The following SORBS2 variants were observed in gnomAD, a reference collection of about 807,000 sequenced individuals.
SORBS2 encodes sorbin and SH3 domain-containing protein 2.
Under a neutral mutation model 97.7 loss-of-function variants are expected in SORBS2, and 46 were observed. That is an observed-to-expected ratio of 0.47 (90% CI 0.37 to 0.60). SORBS2 has a LOEUF of 0.60. SORBS2 is among the 20% of genes least tolerant of loss of function. The pLI is 0.00. For missense variants in SORBS2, 1,316 were observed against 1,282.3 expected (o/e 1.03, Z -0.40); for synonymous variants, 476 against 473.4 (o/e 1.01, Z -0.07).
At chr4:185,590,292 C>G (rs908236755) in intron 13 of SORBS2, among the ~76,000 whole-genome samples, 1 of 152,100 alleles carries the variant, frequency 6.6e-6, no homozygotes, top group Non-Finnish European at 1.5e-5. Flanking sequence ...TGGAGATAGA[C>G]AAAATGTGTC....
At chr4:185,661,067 G>A (rs949954418), upstream of SORBS2, among the ~76,000 whole-genome samples, 5 of 152,074 alleles carry the variant, frequency 3.3e-5, no homozygotes, top group Admixed American at 2.0e-4. Context: ...CTGAGGTCAG[G>A]AGTTCGAGAC....
rs192739594 is a variant in SORBS2, at chr4:185,907,469, G to A, written c.-338+48727C>T. Among the ~76,000 whole-genome samples the A allele has an allele frequency of 5.9e-5, 9 of 152,218 alleles. No homozygotes were observed. The East Asian group carries it at 1.4e-3, about 23-fold the overall frequency. ...ACCGTCTTTATAACATAATTGTCATGTTTCCATTTTAACTTTGGCCATGAA... is the reference window on the plus strand; with the variant it reads ...ACCGTCTTTATAACATAATTGTCATATTTCCATTTTAACTTTGGCCATGAA... On this transcript the variant is annotated intron_variant, in intron 1 of 20. Transcript: ENST00000284776.
intron 1 of SORBS2, among the ~76,000 whole-genome samples, chr4:185,881,555 A>C (rs2099236885): frequency 6.6e-6 from 1 of 152,200 alleles, no homozygotes; most frequent in Non-Finnish European, 1.5e-5. Flanking sequence ...CTAACCATAA[A>C]TCTCTAGAGA....
intron 1 of SORBS2, among the ~76,000 whole-genome samples, chr4:185,893,830 T>C (rs1385057629): frequency 6.6e-6 from 1 of 152,182 alleles, no homozygotes; most frequent in Non-Finnish European, 1.5e-5. Context: ...AACTCTCCTA[T>C]AACCCTGGAG....
At chr4:185,682,873 G>C (rs2097892505) in intron 2 of SORBS2, among the ~76,000 whole-genome samples, 1 of 151,936 alleles carries the variant, frequency 6.6e-6, no homozygotes, top group African/African-American at 2.4e-5. Flanking sequence ...AATTAGCCAG[G>C]CATGGTGGCA....
chr4:185,731,948 C>T (rs940647281), intron 2 of SORBS2, among the ~76,000 whole-genome samples: 13 of 137,918 alleles, frequency 9.4e-5, no homozygotes, highest in African/African-American at 2.4e-4. Flanking sequence ...ACAATCAAAT[C>T]AGTGTGCAGA....
chr4:185,750,041 C>T (rs1449870603), intron 2 of SORBS2, among the ~76,000 whole-genome samples: 2 of 152,224 alleles, frequency 1.3e-5, no homozygotes, highest in Non-Finnish European at 1.5e-5. Context: ...TGTGCAAATA[C>T]CACCCTCTGT....
Position 185,623,625 on chromosome 4 carries a change from T to C in SORBS2, c.1504A>G (p.Ser502Gly), listed in dbSNP as rs749776978. The C allele has an allele frequency of 6.2e-7, 1 of 1,614,152 alleles. No homozygotes were observed. The change falls in exon 7 of 15, where the codon AGC becomes GGC. Residue 502 changes from serine to glycine, a missense_variant. Ser to Gly is a moderately conservative substitution (Grantham distance 56). Coordinates refer to ENST00000418609, the Ensembl canonical transcript of SORBS2. This position sits in a 1 kb window ranked among gnomAD's most constrained non-coding sequence, Gnocchi z 6.4. ...TCGGACACAACCCCGTCCTGGTCGCTGTCGGAAAACTCCACGTGTGCTCGG... is the reference window on the plus strand; with the variant it reads ...TCGGACACAACCCCGTCCTGGTCGCCGTCGGAAAACTCCACGTGTGCTCGG...
Position 185,623,274 on chromosome 4 carries a change from T to A in SORBS2, c.1855A>T (p.Lys619Ter). 3 of 1,614,150 alleles carry A rather than the reference T, an allele frequency of 1.9e-6. No homozygotes were observed. The highest frequency in any genetic ancestry group is 2.5e-6 in the Non-Finnish European group (3 of 1,180,028). ...CATTTTGCCTTTTCAGTCTGTTTCT[T>A]AGGAGCCGAATTTTTTTTCCTCCGG... The change falls in exon 7 of 15, where the codon AAG (lysine) becomes TAG (stop). Residue 619 changes from lysine to a stop codon, truncating the protein, a stop_gained. Transcript: ENST00000418609. LOFTEE classifies it high-confidence loss of function. This position sits in a 1 kb window ranked among gnomAD's most constrained non-coding sequence, Gnocchi z 6.4.
intron 1 of SORBS2, among the ~76,000 whole-genome samples, chr4:185,922,559 GT>G: frequency 6.6e-6 from 1 of 152,276 alleles, no homozygotes; most frequent in African/African-American, 2.4e-5. Flanking sequence ...CATAACCTAT[GT>G]TTTTTATTGA....
chr4:185,618,589 A>G, exon 9 of SORBS2: 1 of 1,519,160 alleles, frequency 6.6e-7, no homozygotes, highest in South Asian at 1.3e-5. Context: ...ACTTACTTAG[A>G]TGTCTGAGCC....
At chr4:185,870,114 A>G (rs962901482) in intron 1 of SORBS2, among the ~76,000 whole-genome samples, 19 of 152,208 alleles carry the variant, frequency 1.2e-4, no homozygotes, top group Non-Finnish European at 1.5e-5. Context: ...TTAACACTGC[A>G]TTTTCAAACT....
In SORBS2 at chr4:185,909,758, T is replaced by C. The variant is rs143378890; in HGVS notation, c.-338+46438A>G. 4.7e-3 allele frequency among the ~76,000 whole-genome samples: 714 copies of C among 152,062 alleles called. 8 individuals carry two copies. Among genetic ancestry groups the C allele is most frequent in the African/African-American group, 0.016 (677 of 41,472 alleles). The stretch of plus-strand genomic sequence containing the variant: ...AAACATGCAAAGAAATGTTCACTCA[T>C]AGCAATATTTGACACAGTTGATTTT... On this transcript the variant is annotated intron_variant, in intron 1 of 20. Transcript: ENST00000284776.
At chr4:185,636,373 G>C (rs1331536972) in intron 4 of SORBS2, among the ~76,000 whole-genome samples, 1 of 152,134 alleles carries the variant, frequency 6.6e-6, no homozygotes, top group Non-Finnish European at 1.5e-5. Context: ...AAGCTACCTT[G>C]AGTCTAACCA....
intron 1 of SORBS2, among the ~76,000 whole-genome samples, chr4:185,863,096 G>T (rs1248246980): frequency 6.6e-6 from 1 of 152,098 alleles, no homozygotes; most frequent in Non-Finnish European, 1.5e-5. Flanking sequence ...ATTATGTTAA[G>T]GTATACCATG....
At chr4:185,707,668 A>G (rs1432981934) in intron 2 of SORBS2, among the ~76,000 whole-genome samples, 2 of 152,168 alleles carry the variant, frequency 1.3e-5, no homozygotes, top group Non-Finnish European at 2.9e-5. Context: ...GTAATTTATA[A>G]AGGAAAGAGA....
intron 12 of SORBS2, among the ~76,000 whole-genome samples, chr4:185,595,585 T>C (rs907093895): frequency 2.0e-5 from 3 of 152,168 alleles, no homozygotes; most frequent in Admixed American, 6.5e-5. Context: ...AGAAGTAAGA[T>C]TTGTATACAT....
chr4:185,756,535 C>G (rs1192067659), intron 2 of SORBS2, among the ~76,000 whole-genome samples: 1 of 152,120 alleles, frequency 6.6e-6, no homozygotes, highest in African/African-American at 2.4e-5. Flanking sequence ...TTAATTTTGT[C>G]TGGATCTTTA....
At chr4:185,854,398 G>T (rs2099219559) in intron 1 of SORBS2, among the ~76,000 whole-genome samples, 1 of 152,116 alleles carries the variant, frequency 6.6e-6, no homozygotes, top group Non-Finnish European at 1.5e-5. Flanking sequence ...CGTATCATTA[G>T]ACTGGCCCAG....
Sources: allele counts gnomAD v4.1 joint callset (sites outside exome capture counted in the v4.1 genomes callset), GRCh38; gene constraint gnomAD v4.1.1; non-coding constraint Gnocchi (gnomAD v3.1); transcripts MANE v1.5; gene names NCBI Gene and HGNC (gene_info 2026-07-23, HGNC 2026-07-21).